The following DHTKD1 variants were observed in gnomAD, a reference collection of about 807,000 sequenced individuals.
DHTKD1 encodes the protein 2-oxoadipate dehydrogenase complex component E1.
In DHTKD1, 78 loss-of-function variants were observed where a neutral mutation model predicts 101.8. That is an observed-to-expected ratio of 0.77 (90% CI 0.64 to 0.93). The LOEUF (loss-of-function observed/expected upper bound fraction) is 0.93. Among genes scored for constraint, DHTKD1 ranks in the 40% least tolerant of loss-of-function variants. DHTKD1 has a pLI of 0.00. For missense variants in DHTKD1, 1,223 were observed against 1,161.7 expected, an observed-to-expected ratio of 1.05 and a Z score of -0.77; for synonymous variants, 462 against 450.3, an observed-to-expected ratio of 1.03 and a Z score of -0.33.
rs1832873746 is a variant in DHTKD1 at position 12,084,761 on chromosome 10, A to G, written c.522+10A>G. The G allele has an allele frequency of 1.2e-6, 2 of 1,613,128 alleles. No individual in the cohort carries two copies. The highest frequency in any genetic ancestry group is 2.2e-5 in the South Asian group (2 of 91,074). On this transcript the variant is annotated intron_variant, in intron 3 of 16. Coordinates refer to ENST00000263035, the MANE Select transcript of DHTKD1 (RefSeq NM_018706.7). Reference sequence around the variant, plus strand: ...AATGCTGGAATCTCAGGTAAAAAGGAGCATCTAGGCCGGGCACGGTGGCTC... The same window carrying G: ...AATGCTGGAATCTCAGGTAAAAAGGGGCATCTAGGCCGGGCACGGTGGCTC...
At chr10:12,080,159 G>GGGCGCCTGTA (rs889721460) in intron 1 of DHTKD1, among the ~76,000 whole-genome samples, 3 of 150,894 alleles carry the variant, frequency 2.0e-5, no homozygotes, top group Admixed American at 6.6e-5. Flanking sequence ...GGGTGCCTGT[G>GGGCGCCTGTA]GGCGCCTGTA....
chr10:12,070,964 C>G (rs1832642450), intron 1 of DHTKD1, among the ~76,000 whole-genome samples: 1 of 152,206 alleles, frequency 6.6e-6, no homozygotes. Context: ...CAGTCCTGTC[C>G]TACAGGACAA....
chr10:12,081,734 G>A, intron 2 of DHTKD1, 107 bp downstream of exon 2: 1 of 1,281,096 alleles, frequency 7.8e-7, no homozygotes. Context: ...GGCTCCCGCA[G>A]GTGTGAGGAG....
intron 13 of DHTKD1, among the ~76,000 whole-genome samples, chr10:12,114,586 G>A (rs1378543396): frequency 2.0e-5 from 3 of 152,050 alleles, no homozygotes; most frequent in South Asian, 2.1e-4. Context: ...ATGAGCCACC[G>A]TGCCCGGCCG....
intron 14 of DHTKD1, 59 bp downstream of exon 14, chr10:12,117,814 T>C (rs1833444586): frequency 1.2e-6 from 1 of 830,362 alleles, no homozygotes; most frequent in Admixed American, 2.1e-5. Flanking sequence ...ATGGGAAAAG[T>C]AGTTCACATT....
At chr10:12,093,912 G>A (rs1261245555) in intron 6 of DHTKD1, among the ~76,000 whole-genome samples, 161 bp from the exon 7 acceptor site, 1 of 152,184 alleles carries the variant, frequency 6.6e-6, no homozygotes, top group East Asian at 1.9e-4. Flanking sequence ...AAGTCCCAGA[G>A]TTGGAACTTG....
chr10:12,088,862 G>A (rs2131358140), intron 4 of DHTKD1, 124 bp from the exon 5 acceptor site: 2 of 873,442 alleles, frequency 2.3e-6, no homozygotes, highest in East Asian at 4.9e-5. Flanking sequence ...TGGAATTACA[G>A]GCATAAGCCA....
At chr10:12,075,416 A>G (rs181731441) in intron 1 of DHTKD1, among the ~76,000 whole-genome samples, 1 of 151,068 alleles carries the variant, frequency 6.6e-6, no homozygotes, top group Admixed American at 6.6e-5. Context: ...TTTTTTTTGT[A>G]TTTTTAGTAG....
In DHTKD1 at chr10:12,117,556, G is replaced by T. The variant is rs763735449; in HGVS notation, c.2320-117G>T. 98 of 695,210 alleles carry T rather than the reference G, an allele frequency of 1.4e-4. No individual in the cohort carries two copies. Among genetic ancestry groups the T allele is most frequent in the Admixed American group, 1.7e-4 (7 of 42,392 alleles). The allele number at this position is 695,210 out of a possible 1,614,324, so 43.1% of individuals were successfully genotyped here. On this transcript the variant is annotated intron_variant, in intron 13 of 16. Coordinates refer to ENST00000263035, the MANE Select transcript of DHTKD1 (RefSeq NM_018706.7). ...AGGCATTGCGTCTATTAGGACATGG[G>T]TCTCCTTGCAGTGCTAGGCTAGAAC...
At chr10:12,112,235 G>A (rs2131623678) in intron 12 of DHTKD1, among the ~76,000 whole-genome samples, 1 of 152,244 alleles carries the variant, frequency 6.6e-6, no homozygotes, top group Middle Eastern at 3.4e-3. Flanking sequence ...GATTGCTTTT[G>A]AGTCCAGAGT....
At chr10:12,078,067 T>C (rs1479861193) in intron 1 of DHTKD1, among the ~76,000 whole-genome samples, 3 of 152,110 alleles carry the variant, frequency 2.0e-5, no homozygotes, top group Non-Finnish European at 4.4e-5. Flanking sequence ...AGGGTTATTT[T>C]GTGCCAACTT....
intron 10 of DHTKD1, among the ~76,000 whole-genome samples, chr10:12,105,357 G>A (rs1833226749): frequency 6.6e-6 from 1 of 150,676 alleles, no homozygotes; most frequent in Non-Finnish European, 1.5e-5. Context: ...ACTGTGTCAC[G>A]CAGGCTGGAG....
intron 1 of DHTKD1, among the ~76,000 whole-genome samples, chr10:12,070,989 G>T (rs1041873025): frequency 3.9e-5 from 6 of 152,150 alleles, no homozygotes; most frequent in Non-Finnish European, 5.9e-5. Flanking sequence ...CAAATGTTTT[G>T]TCCTGTAGCA....
rs774056019 is a variant in DHTKD1 at position 12,100,287 on chromosome 10, G to GCTTTTTTTTTTTTTTTT, written c.1756+25_1756+26insCTTTTTTTTTTTTTTTT. The GCTTTTTTTTTTTTTTTT allele has an allele frequency of 3.7e-5, 10 of 272,276 alleles. 1 individual carries two copies. The highest frequency in any genetic ancestry group is 3.6e-4 in the African/African-American group (10 of 27,702). 16.9% of individuals were successfully genotyped at this position (272,276 alleles called of 1,614,324 possible). The stretch of plus-strand genomic sequence containing the variant: ...GGTAAGAATTTTCTTTTTTTTTTCT[G>GCTTTTTTTTTTTTTTTT]TTTTTTTTTTTTTTGAGTCTCACCC... On this transcript the variant is annotated intron_variant, in intron 9 of 16. Coordinates refer to ENST00000263035, the MANE Select transcript of DHTKD1 (RefSeq NM_018706.7).
intron 15 of DHTKD1, among the ~76,000 whole-genome samples, 156 bp from the exon 16 acceptor site, chr10:12,120,026 C>T (rs1257895302): frequency 6.6e-6 from 1 of 152,122 alleles, no homozygotes; most frequent in African/African-American, 2.4e-5. Context: ...AAAAACAGAA[C>T]TGTTGTATGG....
Sources: allele counts gnomAD v4.1 joint callset (sites outside exome capture counted in the v4.1 genomes callset), GRCh38; gene constraint gnomAD v4.1.1; transcripts MANE v1.5; gene names NCBI Gene and HGNC (gene_info 2026-07-23, HGNC 2026-07-21).